The following STAU1 variants were observed in gnomAD, a reference collection of about 807,000 sequenced individuals.
STAU1 encodes staufen double-stranded RNA binding protein 1.
In STAU1, 13 loss-of-function variants were observed where a neutral mutation model predicts 62.9. The ratio of observed to expected loss-of-function variants is 0.21; its 90% CI spans 0.13 to 0.33. The LOEUF is 0.33. Ranked by LOEUF, STAU1 falls within the 10% of genes least tolerant of loss-of-function variation. STAU1 has a pLI of 1.00. For missense variants in STAU1, 571 were observed against 712.1 expected (o/e 0.80, Z 2.25); for synonymous variants, 269 against 265.1 (o/e 1.01, Z -0.14).
intron 1 of STAU1, among the ~76,000 whole-genome samples, chr20:49,177,576 G>A (rs2146535289): frequency 6.6e-6 from 1 of 152,186 alleles, no homozygotes; most frequent in Non-Finnish European, 1.5e-5. Flanking sequence ...CTACTCGGGA[G>A]GCTGAGGCAG....
intron 9 of STAU1, 56 bp from the exon 10 acceptor site, chr20:49,118,464 A>C (rs1246221771): frequency 9.7e-6 from 13 of 1,343,592 alleles, no homozygotes; most frequent in Non-Finnish European, 1.3e-5. Context: ...ATCACTGAAA[A>C]ATTAGCTCCT....
At chr20:49,188,505 G>T (rs1254446838), upstream of STAU1, 2 of 152,270 alleles carry the variant, frequency 1.3e-5, no homozygotes, top group Non-Finnish European at 2.9e-5. Context: ...GCACGCCGGG[G>T]GCCCAGCGGG....
chr20:49,151,548 C>A, intron 5 of STAU1, 34 bp downstream of exon 5: 2 of 1,549,660 alleles, frequency 1.3e-6, no homozygotes, highest in South Asian at 1.2e-5. Flanking sequence ...CCTACCCTGT[C>A]GAAGCGTCAG....
Position 49,168,823 on chromosome 20 carries a change from G to C in STAU1, c.-84-2538C>G, listed in dbSNP as rs372253635. 5.3e-5 allele frequency among the ~76,000 whole-genome samples: 8 copies of C among 151,980 alleles called. No homozygotes were observed. The East Asian group carries it at 9.6e-4, about 18-fold the overall frequency. ...GATATTTAGTGGATAGAGGAGCCAG[G>C]GATACTGTTACAAGCACACATATAC... is the stretch of plus-strand genomic sequence containing the variant. On this transcript the variant is annotated intron_variant, in intron 2 of 13. Transcript: ENST00000371856.
At chr20:49,210,694 G>T in the STAU1 span, among the ~76,000 whole-genome samples, 1 of 152,104 alleles carries the variant, frequency 6.6e-6, no homozygotes, top group Non-Finnish European at 1.5e-5. Context: ...GCTTTTCTTG[G>T]TTGAAAAACT....
chr20:49,202,283 C>A, the STAU1 span, among the ~76,000 whole-genome samples: 1 of 142,594 alleles, frequency 7.0e-6, no homozygotes, highest in Non-Finnish European at 1.5e-5. Context: ...GGCTGGGACA[C>A]CGGGCGTGAT....
rs1034375444 is a variant in STAU1, at chr20:49,161,049, T to C, written c.205+4948A>G. ...AAAAGCAAAATATGGCCAGGCGGGG[T>C]GGCTAACACCTGTAATCCCAGCATT... On this transcript the variant is annotated intron_variant, in intron 3 of 13. Transcript: ENST00000371856. 4.0e-5 allele frequency among the ~76,000 whole-genome samples: 6 copies of C among 149,824 alleles called. No homozygotes were observed. In the East Asian group the frequency reaches 5.8e-4, roughly 14 times the overall value.
intron 8 of STAU1, among the ~76,000 whole-genome samples, chr20:49,120,343 A>T (rs769072099): frequency 5.9e-5 from 9 of 152,214 alleles, no homozygotes; most frequent in Non-Finnish European, 7.3e-5. Context: ...ACATTTAATT[A>T]TATAAGCTGA....
chr20:49,201,071 A>AAAAG, the STAU1 span, among the ~76,000 whole-genome samples: 9 of 104,558 alleles, frequency 8.6e-5, no homozygotes, highest in Admixed American at 1.4e-4. Flanking sequence ...AAAAAAAAAA[A>AAAAG]AAGAAGAAGA....
chr20:49,198,843 G>T, the STAU1 span, among the ~76,000 whole-genome samples: 3 of 152,078 alleles, frequency 2.0e-5, no homozygotes, highest in Non-Finnish European at 4.4e-5. Context: ...TGTGCCTATA[G>T]TCCCAGCTAC....
At chr20:49,212,753 T>A in the STAU1 span, among the ~76,000 whole-genome samples, 1 of 151,532 alleles carries the variant, frequency 6.6e-6, no homozygotes, top group African/African-American at 2.4e-5. Context: ...TGTGCCACCA[T>A]GTCTGGCTAA....
At position 49,120,326 on chromosome 20, in the gene STAU1, G is replaced by A. The variant is rs536790393; in HGVS notation, c.967-198C>T. Among the ~76,000 whole-genome samples, 14 of 152,310 alleles carry A rather than the reference G, an allele frequency of 9.2e-5. No homozygotes were observed. In the East Asian group the frequency reaches 2.7e-3, roughly 29 times the overall value. On this transcript the variant is annotated intron_variant, in intron 8 of 13. Coordinates refer to ENST00000371856, the MANE Select transcript of STAU1 (RefSeq NM_017453.4). ...GGAAGCTGGCTGTTAAACACAGCCAGTATTAAACATTTAATTATATAAGCT... is the reference window on the plus strand; with the variant it reads ...GGAAGCTGGCTGTTAAACACAGCCAATATTAAACATTTAATTATATAAGCT...
rs558456757 is a variant in STAU1, at chr20:49,156,185, T to C, written c.206-2114A>G. ...AATCAATATTACCACACTGACTTGA[T>C]GTGACTCTAAATTAAACTTATATTC... is the stretch of plus-strand genomic sequence containing the variant. On this transcript the variant is annotated intron_variant, in intron 3 of 13. Coordinates refer to ENST00000371856, the MANE Select transcript of STAU1 (RefSeq NM_017453.4). 5.3e-5 allele frequency among the ~76,000 whole-genome samples: 8 copies of C among 152,368 alleles called. No individual in the cohort carries two copies. The South Asian group carries it at 1.4e-3, about 28-fold the overall frequency.
At chr20:49,143,804 G>C (rs1433657155) in intron 5 of STAU1, among the ~76,000 whole-genome samples, 1 of 152,078 alleles carries the variant, frequency 6.6e-6, no homozygotes, top group Non-Finnish European at 1.5e-5. Context: ...CTTAAACACA[G>C]CAAACCCAGC....
chr20:49,178,310 C>G (rs543770032), intron 1 of STAU1, among the ~76,000 whole-genome samples: 2 of 152,008 alleles, frequency 1.3e-5, no homozygotes, highest in Admixed American at 6.6e-5. Flanking sequence ...CTGCAATTTT[C>G]CCCAGTCAAG....
intron 3 of STAU1, among the ~76,000 whole-genome samples, chr20:49,162,040 C>T (rs2093456662): frequency 6.6e-6 from 1 of 152,150 alleles, no homozygotes; most frequent in African/African-American, 2.4e-5. Flanking sequence ...GAAACAGCCG[C>T]CAGCTGTACC....
chr20:49,139,116 A>C (rs1018710239), intron 5 of STAU1, among the ~76,000 whole-genome samples: 7 of 152,242 alleles, frequency 4.6e-5, no homozygotes. Flanking sequence ...CTTAAACATA[A>C]GAGCTAAAAC....
chr20:49,133,573 GC>G (rs1349129199), intron 6 of STAU1, among the ~76,000 whole-genome samples: 2 of 152,182 alleles, frequency 1.3e-5, no homozygotes, highest in Admixed American at 1.3e-4. Flanking sequence ...AGCCCAAACA[GC>G]CATTCTGAAT....
chr20:49,137,832 ATTTTTT>A (rs34370524), intron 5 of STAU1, among the ~76,000 whole-genome samples: 5 of 128,434 alleles, frequency 3.9e-5, no homozygotes, highest in Non-Finnish European at 4.8e-5. Context: ...CACCCGGCTA[ATTTTTT>A]TTTTTTTTTT....
Sources: allele counts gnomAD v4.1 joint callset (sites outside exome capture counted in the v4.1 genomes callset), GRCh38; gene constraint gnomAD v4.1.1; transcripts MANE v1.5; gene names NCBI Gene and HGNC (gene_info 2026-07-23, HGNC 2026-07-21).